Variants in DPYS observed in about 807,000 individuals in gnomAD.
The protein encoded by DPYS is dihydropyrimidinase, also known as dihydropyrimidine amidohydrolase.
A neutral mutation model predicts 50.3 loss-of-function variants in DPYS; 39 were observed. That is an observed-to-expected ratio of 0.78 (90% confidence interval 0.60 to 1.01). DPYS has a LOEUF of 1.01. Among genes scored for constraint, DPYS ranks in the 50% least tolerant of loss-of-function variants. The pLI, the probability that DPYS is intolerant of heterozygous loss-of-function variation, is 0.00. For missense variants in DPYS, 659 were observed against 680.9 expected, an observed-to-expected ratio of 0.97 and a Z score of 0.36; for synonymous variants, 245 against 250.7, an observed-to-expected ratio of 0.98 and a Z score of 0.22.
At chr8:104,390,260 G>A (rs1219941491) in intron 8 of DPYS, among the ~76,000 whole-genome samples, 3 of 144,606 alleles carry the variant, frequency 2.1e-5, no homozygotes, top group African/African-American at 8.4e-5. Context: ...GAATGCAGCA[G>A]CTGCCATCAG....
At position 104,381,299 on chromosome 8, in the gene DPYS, G is replaced by A. The variant is rs747643974; in HGVS notation, c.1459C>T (p.Pro487Ser). 2 of 1,613,988 alleles carry A rather than the reference G, an allele frequency of 1.2e-6. No individual in the cohort carries two copies. Among genetic ancestry groups the A allele is most frequent in the Non-Finnish European group, 1.7e-6 (2 of 1,179,902 alleles). ...KQRDRTCTPT[P>S]VERAPYKGEV... is the part of the protein sequence containing the mutation. ...CCCTTATAGGGTGCACGCTCCACAG[G>A]GGTAGGTGTGCAAGTCTGAAAGAGA... Residue 487 changes from proline (P) to serine (S), a missense_variant, in exon 9 of 10, where the codon CCT becomes TCT. By Grantham distance (74) the Pro-to-Ser change is moderately conservative. Coordinates refer to ENST00000351513, the MANE Select transcript of DPYS (RefSeq NM_001385.3).
chr8:104,411,641 G>A (rs1812178264), intron 7 of DPYS: 1 of 152,144 alleles, frequency 6.6e-6, no homozygotes, highest in African/African-American at 2.4e-5. Flanking sequence ...TCACAGGAAA[G>A]GAAAAAATAA....
At chr8:104,382,038 A>G (rs1811069312) in intron 8 of DPYS, among the ~76,000 whole-genome samples, 1 of 152,220 alleles carries the variant, frequency 6.6e-6, no homozygotes, top group African/African-American at 2.4e-5. Context: ...TGACAAGTTA[A>G]TTAATGCCTC....
chr8:104,466,139 C>A (rs1165787539), intron 1 of DPYS, among the ~76,000 whole-genome samples: 2 of 152,070 alleles, frequency 1.3e-5, no homozygotes, highest in African/African-American at 4.8e-5. Context: ...ACATTACCTG[C>A]TACACTGCTC....
At chr8:104,445,476 T>C (rs1445008907) in intron 3 of DPYS, among the ~76,000 whole-genome samples, 3 of 152,198 alleles carry the variant, frequency 2.0e-5, no homozygotes, top group Non-Finnish European at 2.9e-5. Flanking sequence ...ACAACATGGA[T>C]GGAACTGGAG....
intron 4 of DPYS, among the ~76,000 whole-genome samples, chr8:104,435,935 C>G (rs757005176): frequency 2.6e-5 from 4 of 152,100 alleles, no homozygotes; most frequent in Non-Finnish European, 5.9e-5. Context: ...GAGTGACAGC[C>G]TAACCTGAAG....
intron 1 of DPYS, among the ~76,000 whole-genome samples, chr8:104,456,574 T>C (rs189688420): frequency 3.2e-4 from 49 of 152,348 alleles, no homozygotes; most frequent in African/African-American, 1.1e-3. Flanking sequence ...AGACTGGGAA[T>C]GAGTTTGGAG....
chr8:104,429,721 C>G lies in DPYS; in HGVS notation c.794-20G>C, dbSNP rs1418534105. ...CCTTCCCTGGAAAGATTAAAAGAAGCATTCATCACTTTAATTTTATTCTTA... is the reference window on the plus strand; with the variant it reads ...CCTTCCCTGGAAAGATTAAAAGAAGGATTCATCACTTTAATTTTATTCTTA... On this transcript the variant is annotated intron_variant, in intron 4 of 9. Transcript: ENST00000351513. 1 of 1,613,872 alleles carries G rather than the reference C, an allele frequency of 6.2e-7. No homozygotes were observed. Among genetic ancestry groups the G allele is most frequent in the East Asian group, 2.2e-5 (1 of 44,858 alleles).
At chr8:104,448,445 C>T (rs563579621) in intron 2 of DPYS, among the ~76,000 whole-genome samples, 5 of 152,222 alleles carry the variant, frequency 3.3e-5, no homozygotes, top group South Asian at 2.1e-4. Context: ...CATGAGCCTC[C>T]GCGCCCAGCC....
chr8:104,464,702 T>C (rs1814294778), intron 1 of DPYS, among the ~76,000 whole-genome samples: 1 of 152,138 alleles, frequency 6.6e-6, no homozygotes, highest in Non-Finnish European at 1.5e-5. Context: ...TTATGTAAAA[T>C]AGAGCATGCT....
At position 104,443,495 on chromosome 8, in the gene DPYS, C is replaced by A. The variant is rs554606893; in HGVS notation, c.793+753G>T. On this transcript the variant is annotated intron_variant, in intron 4 of 9. Coordinates refer to ENST00000351513, the MANE Select transcript of DPYS (RefSeq NM_001385.3). The stretch of plus-strand genomic sequence containing the variant: ...GGCTGTCAGATGAATCAATTCAATT[C>A]AAAAGAAATTTATTGAGCATGTACT... Among the ~76,000 whole-genome samples, 403 of 152,258 alleles carry A rather than the reference C, an allele frequency of 2.6e-3. 2 individuals carry two copies. Among genetic ancestry groups the A allele is most frequent in the African/African-American group, 8.9e-3 (368 of 41,544 alleles).
At chr8:104,392,354 A>C (rs6989353) in intron 8 of DPYS, among the ~76,000 whole-genome samples, 53,523 of 151,842 alleles carry the variant, frequency 0.35, 12,341 homozygotes, top group African/African-American at 0.65. Context: ...TACCCATTTT[A>C]TCTCTTTCTT....
At chr8:104,383,077 C>T (rs58315862) in intron 8 of DPYS, among the ~76,000 whole-genome samples, 10,335 of 152,270 alleles carry the variant, frequency 0.068, 563 homozygotes, top group African/African-American at 0.15. Context: ...GGCCTGTCCT[C>T]CTCACTCAGA....
intron 1 of DPYS, 47 bp downstream of exon 1, chr8:104,466,610 C>T (rs1465406896): frequency 6.7e-7 from 1 of 1,481,598 alleles, no homozygotes; most frequent in East Asian, 2.7e-5. Context: ...GGAGGCTGCC[C>T]GAGCCTCCGT....
chr8:104,445,732 C>T (rs888301062), intron 3 of DPYS, among the ~76,000 whole-genome samples: 9 of 151,990 alleles, frequency 5.9e-5, no homozygotes, highest in Non-Finnish European at 1.2e-4. Context: ...GATAGCACAA[C>T]AGGGGCACTA....
intron 1 of DPYS, among the ~76,000 whole-genome samples, chr8:104,454,429 G>A (rs180687497): frequency 3.2e-4 from 48 of 152,244 alleles, no homozygotes; most frequent in Admixed American, 2.6e-3. Flanking sequence ...AATTGATTGT[G>A]GTGATGCTTG....
At chr8:104,425,462 C>T (rs148658328) in intron 6 of DPYS, among the ~76,000 whole-genome samples, 71 of 151,310 alleles carry the variant, frequency 4.7e-4, no homozygotes, top group African/African-American at 1.6e-3. Flanking sequence ...GTGGGGTATG[C>T]CCCACCATGC....
chr8:104,457,372 C>T (rs1209851464), intron 1 of DPYS, among the ~76,000 whole-genome samples: 1 of 152,190 alleles, frequency 6.6e-6, no homozygotes, highest in East Asian at 1.9e-4. Context: ...CATCACACTA[C>T]TCAGGACGTT....
At position 104,381,181 on chromosome 8, in the gene DPYS, T is replaced by C. The variant is rs771768162; in HGVS notation, c.*14+3A>G. 1 of 1,609,962 alleles carries C rather than the reference T, an allele frequency of 6.2e-7. No individual in the cohort carries two copies. Among genetic ancestry groups the C allele is most frequent in the Admixed American group, 1.7e-5 (1 of 60,012 alleles). On this transcript the variant is annotated splice_donor_region_variant and intron_variant, in intron 9 of 9. Transcript: ENST00000351513. ...AAGACTTTTCTTGCCTACAGTCCCT[T>C]ACCGATGGCACACACTTCAGGGGTG...
Sources: allele counts gnomAD v4.1 joint callset (sites outside exome capture counted in the v4.1 genomes callset), GRCh38; gene constraint gnomAD v4.1.1; transcripts MANE v1.5; gene names NCBI Gene and HGNC (gene_info 2026-07-23, HGNC 2026-07-21).